LARP4: variants seen among roughly 807,000 people sequenced by gnomAD.
LARP4 encodes the protein la-related protein 4.
In LARP4, 29 loss-of-function variants were observed where a neutral mutation model predicts 92.9. That is an observed-to-expected ratio of 0.31 (90% CI 0.23 to 0.43). The LOEUF (loss-of-function observed/expected upper bound fraction) is 0.43, where lower values mean the gene tolerates loss of function less well. LARP4 is among the 20% of genes least tolerant of loss of function. The probability of loss-of-function intolerance (pLI) is 1.00; values close to 1 mark genes in which losing one functional copy is unlikely to be tolerated. For synonymous variants in LARP4, 279 were observed against 284.1 expected, an observed-to-expected ratio of 0.98 and a Z score of 0.18; for missense variants, 732 against 860.0, an observed-to-expected ratio of 0.85 and a Z score of 1.86.
At chr12:50,436,051 CTGTG>C (rs57676021) in intron 5 of LARP4, among the ~76,000 whole-genome samples, 1,918 of 137,712 alleles carry the variant, frequency 0.014, 48 homozygotes, top group African/African-American at 0.05. Flanking sequence ...TTTACTGACT[CTGTG>C]TGTGTGTGTG....
intron 12 of LARP4, among the ~76,000 whole-genome samples, chr12:50,466,597 A>G (rs757813800): frequency 1.2e-4 from 19 of 152,124 alleles, no homozygotes; most frequent in South Asian, 4.2e-4. Context: ...CTTGGTGACA[A>G]ACTAAGACCC....
At position 50,459,627 on chromosome 12, in the gene LARP4, C is replaced by G. The variant is rs1954959507; in HGVS notation, c.1122-1508C>G. 2.0e-5 allele frequency among the ~76,000 whole-genome samples: 3 copies of G among 151,966 alleles called. No homozygotes were observed. In the South Asian group the frequency reaches 6.2e-4, roughly 32 times the overall value. The stretch of plus-strand genomic sequence containing the variant: ...GATCACCAGGTCAGGAGATCGAGAC[C>G]ATCGTGGCCAACATGGTGAAACCCC... On this transcript the variant is annotated intron_variant, in intron 10 of 15. Coordinates refer to ENST00000398473, the MANE Select transcript of LARP4 (RefSeq NM_052879.5).
At chr12:50,457,215 T>TTTC in intron 10 of LARP4, among the ~76,000 whole-genome samples, 1 of 149,878 alleles carries the variant, frequency 6.7e-6, no homozygotes, top group South Asian at 2.1e-4. Context: ...TTTTTTTTTT[T>TTTC]TTTTTTTAAA....
intron 12 of LARP4, among the ~76,000 whole-genome samples, chr12:50,464,683 G>A (rs1418303146): frequency 4.0e-5 from 6 of 150,890 alleles, no homozygotes; most frequent in African/African-American, 1.5e-4. Context: ...GTGAGCCATC[G>A]TGCCTGACCA....
At chr12:50,454,676 C>A (rs1953899411) in intron 10 of LARP4, 1 of 309,394 alleles carries the variant, frequency 3.2e-6, no homozygotes, top group South Asian at 1.1e-4. Flanking sequence ...TATTTCATGA[C>A]ACCAGTCTCT....
At chr12:50,460,107 C>A (rs2138622786) in intron 10 of LARP4, among the ~76,000 whole-genome samples, 1 of 151,458 alleles carries the variant, frequency 6.6e-6, no homozygotes, top group African/African-American at 2.4e-5. Context: ...TGCGCTCCAG[C>A]CCGGGCAACA....
chr12:50,451,785 T>C (rs965026093), intron 8 of LARP4, among the ~76,000 whole-genome samples: 2 of 151,796 alleles, frequency 1.3e-5, no homozygotes, highest in African/African-American at 4.8e-5. Flanking sequence ...TGTGGTGAGC[T>C]GAGATCGTGT....
intron 1 of LARP4, among the ~76,000 whole-genome samples, chr12:50,425,456 A>T (rs1301104216): frequency 6.6e-6 from 1 of 152,226 alleles, no homozygotes; most frequent in Non-Finnish European, 1.5e-5. Flanking sequence ...ATGTAAATAC[A>T]TGCATTTTCT....
At position 50,428,992 on chromosome 12, in the gene LARP4, C is replaced by T. The variant is rs775618096; in HGVS notation, c.224C>T (p.Ser75Phe). The T allele has an allele frequency of 2.5e-6, 4 of 1,608,248 alleles. No individual in the cohort carries two copies. The highest frequency in any genetic ancestry group is 2.2e-5 in the South Asian group (2 of 90,676). ...GAATATGAAGTAATGTATTCTTCAT[C>T]TTGTGAAACCACAAGAAATACTACA... ...CKEYEVMYSS[S>F]CETTRNTTGI... Residue 75 changes from serine (S) to phenylalanine (F), a missense_variant, in exon 3 of 16, where the codon TCT becomes TTT. Transcript: ENST00000398473.
chr12:50,410,671 TG>T (rs1945720180), intron 1 of LARP4, among the ~76,000 whole-genome samples: 1 of 152,208 alleles, frequency 6.6e-6, no homozygotes, highest in Non-Finnish European at 1.5e-5. Flanking sequence ...CCCAAAGTGC[TG>T]GGATTACAGG....
At chr12:50,472,903 T>C (rs2139147705) in intron 13 of LARP4, among the ~76,000 whole-genome samples, 1 of 151,784 alleles carries the variant, frequency 6.6e-6, no homozygotes, top group African/African-American at 2.4e-5. Context: ...CACTGCAACC[T>C]CCGCCTCCCA....
chr12:50,462,695 T>C (rs1955599783), intron 12 of LARP4, 65 bp downstream of exon 12: 20 of 1,084,272 alleles, frequency 1.8e-5, no homozygotes, highest in East Asian at 7.2e-5. Flanking sequence ...GCATTGACTT[T>C]CGGTCTTTCC....
intron 7 of LARP4, chr12:50,441,278 G>A: frequency 4.7e-6 from 1 of 210,552 alleles, no homozygotes; most frequent in Non-Finnish European, 9.4e-6. Flanking sequence ...ATCACTCACA[G>A]ATTTTTATTT....
Position 50,478,865 on chromosome 12 carries a change from A to C in LARP4, c.*3001A>C, listed in dbSNP as rs1593537107. 6.6e-6 allele frequency: 1 copy of C among 152,194 alleles called. No individual in the cohort carries two copies. The highest frequency in any genetic ancestry group is 2.1e-4 in the South Asian group (1 of 4,830). The allele number at this position is 152,194 out of a possible 1,614,324, so 9.4% of individuals were successfully genotyped here. ...ATTTTTTTCAGCTGGGTTTTGAGGA[A>C]TATAAGAGCTTTCAATGATAAAGGT... On this transcript the variant is annotated 3_prime_UTR_variant, in exon 16 of 16. Transcript: ENST00000398473.
chr12:50,405,667 A>T (rs1944692520), intron 1 of LARP4, among the ~76,000 whole-genome samples: 1 of 152,018 alleles, frequency 6.6e-6, no homozygotes, highest in South Asian at 2.1e-4. Flanking sequence ...AAATAAAAAA[A>T]ATTAAAACTA....
chr12:50,409,808 A>ATTATTATTT (rs1555225140), intron 1 of LARP4, among the ~76,000 whole-genome samples: 13 of 149,876 alleles, frequency 8.7e-5, no homozygotes, highest in African/African-American at 2.9e-4. Context: ...TATTATTATT[A>ATTATTATTT]TTTTTTTAAG....
chr12:50,428,785 G>T, intron 2 of LARP4, 150 bp from the exon 3 acceptor site: 1 of 575,886 alleles, frequency 1.7e-6, no homozygotes. Context: ...TATCTCCCTC[G>T]GAATGATAAC....
chr12:50,471,245 C>T (rs1956893518), intron 13 of LARP4, among the ~76,000 whole-genome samples: 3 of 152,092 alleles, frequency 2.0e-5, no homozygotes, highest in South Asian at 4.1e-4. Flanking sequence ...CCAACCCTTG[C>T]GCTAGGTGAT....
In LARP4 at chr12:50,441,747, T is replaced by C. The variant is rs1951237447; in HGVS notation, c.804+104T>C. 4 of 970,622 alleles carry C rather than the reference T, an allele frequency of 4.1e-6. No homozygotes were observed. The South Asian group carries it at 6.3e-5, about 15-fold the overall frequency. The allele number at this position is 970,622 out of a possible 1,614,324, so 60.1% of individuals were successfully genotyped here. Reference sequence around the variant, plus strand: ...TATTTTATAAAAACCCATAGTGACTTTCAAAAAGTTTCTGGCTTGGTCCAG... The same window carrying C: ...TATTTTATAAAAACCCATAGTGACTCTCAAAAAGTTTCTGGCTTGGTCCAG... On this transcript the variant is annotated intron_variant, in intron 8 of 15. Coordinates refer to ENST00000398473, the MANE Select transcript of LARP4 (RefSeq NM_052879.5).
Sources: gnomAD v4.1 joint callset for allele counts (sites outside exome capture counted in the v4.1 genomes callset) on GRCh38, gnomAD v4.1.1 for gene constraint, MANE v1.5 for transcripts, NCBI Gene and HGNC (gene_info 2026-07-23, HGNC 2026-07-21) for gene names.